DNAJB1: variants seen among roughly 807,000 people sequenced by gnomAD.
The protein encoded by DNAJB1 is dnaJ homolog subfamily B member 1.
Under a neutral mutation model 24.0 loss-of-function variants are expected in DNAJB1, and 14 were observed. That is an observed-to-expected ratio of 0.58 (90% CI 0.39 to 0.91). The LOEUF is 0.91. DNAJB1 is among the 40% of genes least tolerant of loss of function. DNAJB1 has a pLI of 0.00. For synonymous variants in DNAJB1, 262 were observed against 174.4 expected, an observed-to-expected ratio of 1.50 and a Z score of -3.96; for missense variants, 517 against 458.1, an observed-to-expected ratio of 1.13 and a Z score of -1.17.
At chr19:14,525,179 G>T (rs1317153144) in intron 2 of DNAJB1, among the ~76,000 whole-genome samples, 1 of 152,044 alleles carries the variant, frequency 6.6e-6, no homozygotes, top group Non-Finnish European at 1.5e-5. Flanking sequence ...GTTGCAGTGA[G>T]CCGAGATTGC....
intron 1 of DNAJB1, among the ~76,000 whole-genome samples, chr19:14,544,635 CT>C (rs545193107): frequency 0.21 from 27,561 of 133,908 alleles, 2,490 homozygotes; most frequent in South Asian, 0.38. Context: ...TTGGCCATTC[CT>C]TTTTTTTTTT....
chr19:14,544,912 CAA>C (rs1209444422), intron 1 of DNAJB1, among the ~76,000 whole-genome samples: 2 of 152,232 alleles, frequency 1.3e-5, no homozygotes, highest in African/African-American at 2.4e-5. Flanking sequence ...GGATTACAGA[CAA>C]GAGCCACCAT....
At chr19:14,532,703 A>C (rs529637844), upstream of DNAJB1, among the ~76,000 whole-genome samples, 1 of 152,300 alleles carries the variant, frequency 6.6e-6, no homozygotes, top group South Asian at 2.1e-4. Context: ...AGCGGATTGC[A>C]TAGCAAGCAG....
upstream of DNAJB1, among the ~76,000 whole-genome samples, chr19:14,552,511 G>A (rs8112730): frequency 9.2e-4 from 139 of 151,230 alleles, 1 homozygote; most frequent in African/African-American, 3.2e-3. Context: ...CCACGTAACA[G>A]GCATCACAGT....
chr19:14,554,458 T>C (rs988422531), upstream of DNAJB1, among the ~76,000 whole-genome samples: 18 of 151,824 alleles, frequency 1.2e-4, no homozygotes, highest in Non-Finnish European at 2.6e-4. Context: ...TCCTGTGGTG[T>C]GGACTCTGCC....
chr19:14,540,010 G>T (rs2073041501), intron 1 of DNAJB1, among the ~76,000 whole-genome samples: 1 of 151,434 alleles, frequency 6.6e-6, no homozygotes, highest in South Asian at 2.1e-4. Flanking sequence ...CTCCTGAGTA[G>T]CTGGGATTAC....
chr19:14,551,566 G>A (rs1489407395), upstream of DNAJB1, among the ~76,000 whole-genome samples: 1 of 152,138 alleles, frequency 6.6e-6, no homozygotes, highest in African/African-American at 2.4e-5. Flanking sequence ...TTGAGGACGC[G>A]CCCCTGCTTT....
At chr19:14,529,790 C>T (rs973963567), upstream of DNAJB1, 3 of 1,595,772 alleles carry the variant, frequency 1.9e-6, no homozygotes, top group Admixed American at 1.7e-5. Flanking sequence ...CGGGACCCCA[C>T]TTTCTGGTCC....
upstream of DNAJB1, chr19:14,530,894 A>G (rs1371224450): frequency 6.6e-6 from 1 of 152,218 alleles, no homozygotes; most frequent in Non-Finnish European, 1.5e-5. Flanking sequence ...AACTCTTTGC[A>G]TCTTGGAAAA....
chr19:14,557,977 G>A (rs1347077366), intron 1 of DNAJB1, among the ~76,000 whole-genome samples: 1 of 150,780 alleles, frequency 6.6e-6, no homozygotes, highest in African/African-American at 2.4e-5. Context: ...GGATGGTCTC[G>A]ATCTCCTGAC....
At chr19:14,529,799 C>T, upstream of DNAJB1, 3 of 1,588,270 alleles carry the variant, frequency 1.9e-6, no homozygotes, top group Non-Finnish European at 1.7e-6. Context: ...ACTTTCTGGT[C>T]CTGTGCCCCG....
chr19:14,533,739 G>A (rs1293287870), upstream of DNAJB1, among the ~76,000 whole-genome samples: 1 of 152,108 alleles, frequency 6.6e-6, no homozygotes, highest in East Asian at 1.9e-4. Flanking sequence ...CCACTCTGTG[G>A]CCTAATTGAG....
chr19:14,537,749 T>G lies in DNAJB1; in HGVS notation c.-213-9939A>C, dbSNP rs545004088. Among the ~76,000 whole-genome samples, 26 of 150,978 alleles carry G rather than the reference T, an allele frequency of 1.7e-4. 1 individual carries two copies. Among genetic ancestry groups the G allele is most frequent in the Non-Finnish European group, 1.3e-4 (9 of 67,574 alleles). On this transcript the variant is annotated intron_variant, in intron 1 of 3. Transcript: ENST00000676982. ...TATAGTGCTTAATTATCAGTGTTTT[T>G]TTTTTTTTTTTTTTGAGACGAAGTC...
chr19:14,541,894 T>C (rs1332105466), intron 1 of DNAJB1, among the ~76,000 whole-genome samples: 1 of 151,936 alleles, frequency 6.6e-6, no homozygotes, highest in Non-Finnish European at 1.5e-5. Context: ...GCGATTCTCC[T>C]GCCTCAGCCT....
chr19:14,560,102 G>C (rs1362097485), exon 1 of DNAJB1, among the ~76,000 whole-genome samples: 3 of 152,192 alleles, frequency 2.0e-5, no homozygotes, highest in Non-Finnish European at 4.4e-5. Flanking sequence ...GCAGCTGTGA[G>C]CGTGGCCCCT....
In DNAJB1 at chr19:14,516,117, G is replaced by A. The variant is rs754645758; in HGVS notation, c.846C>T (p.Pro282=). ...NVPTLDGRTI[P]VVFKDVIRPG... ...GCCTGATAACATCTTTGAATACGACGGGTATCGTCCTGCCGTCCAGAGTGG... is the reference window on the plus strand; with the variant it reads ...GCCTGATAACATCTTTGAATACGACAGGTATCGTCCTGCCGTCCAGAGTGG... Residue 282 remains proline, a synonymous_variant, in exon 3 of 3, where the codon CCC becomes CCT. Coordinates refer to ENST00000254322, the MANE Select transcript of DNAJB1 (RefSeq NM_006145.3). 1.3e-5 allele frequency: 21 copies of A among 1,613,484 alleles called. No individual in the cohort carries two copies. Among genetic ancestry groups the A allele is most frequent in the Admixed American group, 5.0e-5 (3 of 59,786 alleles).
At chr19:14,550,840 C>T (rs184758503), upstream of DNAJB1, among the ~76,000 whole-genome samples, 1 of 152,010 alleles carries the variant, frequency 6.6e-6, no homozygotes, top group Admixed American at 6.5e-5. Context: ...ACCACTATGC[C>T]CAGCTAATTT....
upstream of DNAJB1, chr19:14,529,629 G>T: frequency 3.7e-6 from 6 of 1,612,526 alleles, no homozygotes; most frequent in Non-Finnish European, 5.1e-6. Flanking sequence ...GCGCTGTAGG[G>T]AGCCTGTGCT....
upstream of DNAJB1, among the ~76,000 whole-genome samples, chr19:14,532,941 C>T (rs2072728766): frequency 6.6e-6 from 1 of 151,620 alleles, no homozygotes; most frequent in Admixed American, 6.6e-5. Flanking sequence ...GAAACCTCGT[C>T]TCTACTAAAA....
Sources: allele counts gnomAD v4.1 joint callset (sites outside exome capture counted in the v4.1 genomes callset), GRCh38; gene constraint gnomAD v4.1.1; transcripts MANE v1.5; gene names NCBI Gene and HGNC (gene_info 2026-07-23, HGNC 2026-07-21).